PRKG1: variants seen among roughly 807,000 people sequenced by gnomAD.
PRKG1 encodes the protein protein kinase cGMP-dependent 1.
In PRKG1, 35 loss-of-function variants were observed where a neutral mutation model predicts 88.1. The observed-to-expected ratio is 0.40, with a 90% CI of 0.30 to 0.53. The LOEUF (loss-of-function observed/expected upper bound fraction) is 0.53, where lower values mean the gene tolerates loss of function less well. Among genes scored for constraint, PRKG1 ranks in the 20% least tolerant of loss-of-function variants. The pLI is 0.59. For missense variants in PRKG1, 540 were observed against 839.8 expected (o/e 0.64, Z 4.41); for synonymous variants, 303 against 292.5 (o/e 1.04, Z -0.37).
At chr10:51,859,834 T>C (rs1840824108) in intron 4 of PRKG1, among the ~76,000 whole-genome samples, 1 of 152,212 alleles carries the variant, frequency 6.6e-6, no homozygotes, top group Admixed American at 6.5e-5. Flanking sequence ...TCCAATACTT[T>C]TCATTGTGAG....
At chr10:51,554,467 T>C (rs1378535355) in intron 3 of PRKG1, among the ~76,000 whole-genome samples, 2 of 149,746 alleles carry the variant, frequency 1.3e-5, no homozygotes, top group African/African-American at 2.4e-5. Flanking sequence ...TAAGAGGTGT[T>C]GTTTTAGTTT....
At chr10:51,499,648 C>T (rs139730798) in intron 3 of PRKG1, among the ~76,000 whole-genome samples, 7 of 152,246 alleles carry the variant, frequency 4.6e-5, no homozygotes, top group African/African-American at 1.7e-4. Flanking sequence ...TGGTAGTACA[C>T]ATCACTGTGA....
chr10:51,944,446 C>G (rs1168472127), intron 5 of PRKG1, among the ~76,000 whole-genome samples: 1 of 151,954 alleles, frequency 6.6e-6, no homozygotes, highest in African/African-American at 2.4e-5. Flanking sequence ...TTTTGTATCT[C>G]TATTTCCTTC....
chr10:51,265,807 G>C (rs1839822696), intron 2 of PRKG1, among the ~76,000 whole-genome samples: 2 of 152,176 alleles, frequency 1.3e-5, no homozygotes, highest in Admixed American at 1.3e-4. Flanking sequence ...AGCCCGAAAG[G>C]ATTAACAGGT....
chr10:51,947,018 A>G lies in PRKG1; in HGVS notation c.762+39448A>G, dbSNP rs561085785. On this transcript the variant is annotated intron_variant, in intron 5 of 17. Coordinates refer to ENST00000373980, the MANE Select transcript of PRKG1 (RefSeq NM_006258.4). ...CTGTCAGACAGGGACATTTAAGTCT[A>G]CAGAGGTTACTGCTGTCTTTTTGTT... Among the ~76,000 whole-genome samples, 79 of 152,150 alleles carry G rather than the reference A, an allele frequency of 5.2e-4. 1 individual carries two copies. The highest frequency in any genetic ancestry group is 2.1e-3 in the East Asian group (11 of 5,162).
intron 1 of PRKG1, among the ~76,000 whole-genome samples, chr10:51,002,833 G>C (rs1842902896): frequency 1.3e-5 from 2 of 152,146 alleles, no homozygotes; most frequent in South Asian, 4.1e-4. Flanking sequence ...GTCAGTTTTG[G>C]ATTAATGCTA....
In PRKG1 at chr10:51,699,314, C is replaced by G. The variant is rs758926910; in HGVS notation, c.593-105271C>G. On this transcript the variant is annotated intron_variant, in intron 3 of 17. Coordinates refer to ENST00000373980, the MANE Select transcript of PRKG1 (RefSeq NM_006258.4). ...AAGCGCTCTCCCACTGAACTCCCGCCCATTGAGGTTCCGCATGGCACTAAG... is the reference window on the plus strand; with the variant it reads ...AAGCGCTCTCCCACTGAACTCCCGCGCATTGAGGTTCCGCATGGCACTAAG... 10 of 1,614,036 alleles carry G rather than the reference C, an allele frequency of 6.2e-6. No individual in the cohort carries two copies. Among genetic ancestry groups the G allele is most frequent in the Middle Eastern group, 1.6e-4 (1 of 6,084 alleles).
At chr10:52,017,824 C>G (rs73341229) in intron 5 of PRKG1, among the ~76,000 whole-genome samples, 5,192 of 152,086 alleles carry the variant, frequency 0.034, 280 homozygotes, top group African/African-American at 0.11. Flanking sequence ...TTTACAAGAC[C>G]CCTGTTGTAA....
chr10:51,908,673 G>A (rs954832014), intron 5 of PRKG1: 2 of 144,534 alleles, frequency 1.4e-5, no homozygotes, highest in African/African-American at 5.1e-5. Context: ...GAAGGAGATT[G>A]AAAAATCATC....
At chr10:52,134,790 C>T (rs995340707) in intron 8 of PRKG1, among the ~76,000 whole-genome samples, 24 of 152,030 alleles carry the variant, frequency 1.6e-4, no homozygotes, top group African/African-American at 5.3e-4. Flanking sequence ...CAGAGGACTC[C>T]GGATGGAGAG....
At chr10:51,359,237 C>T (rs992964205) in intron 2 of PRKG1, among the ~76,000 whole-genome samples, 3 of 151,846 alleles carry the variant, frequency 2.0e-5, no homozygotes, top group Non-Finnish European at 2.9e-5. Context: ...GAAGACAATA[C>T]ATATTATAAT....
chr10:52,260,729 A>AACTTG (rs1017473447), intron 10 of PRKG1, among the ~76,000 whole-genome samples: 6 of 151,628 alleles, frequency 4.0e-5, no homozygotes, highest in African/African-American at 1.5e-4. Flanking sequence ...TGAAAAAAAT[A>AACTTG]AAGTGTATTA....
At chr10:52,044,811 A>G (rs1048366107) in intron 5 of PRKG1, among the ~76,000 whole-genome samples, 2 of 152,136 alleles carry the variant, frequency 1.3e-5, no homozygotes, top group Non-Finnish European at 2.9e-5. Context: ...ATACTCCCAG[A>G]TGGGGTTACA....
chr10:51,696,228 TAAG>T (rs1841288496), intron 3 of PRKG1: 1 of 150,910 alleles, frequency 6.6e-6, no homozygotes, highest in Admixed American at 6.6e-5. Flanking sequence ...GATTATGAAA[TAAG>T]AAAACTAAAA....
chr10:51,886,328 G>T (rs1350206362), intron 4 of PRKG1, among the ~76,000 whole-genome samples: 1 of 151,290 alleles, frequency 6.6e-6, no homozygotes, highest in African/African-American at 2.4e-5. Flanking sequence ...GTAGTTTTGG[G>T]TTTTTTTTTA....
rs1308922505 is a variant in PRKG1, at chr10:51,392,767, AC to A, written c.479-74951del. ...CGGCTGGCCGGGCGGGGGGCTGACC[AC>A]CCCCACCTCCCTCCCGGACGGGGCG... On this transcript the variant is annotated intron_variant, in intron 2 of 17. Transcript: ENST00000373980. Among the ~76,000 whole-genome samples, 4 of 112,340 alleles carry A rather than the reference AC, an allele frequency of 3.6e-5. No individual in the cohort carries two copies. The East Asian group carries it at 7.6e-4, about 21-fold the overall frequency. 73.7% of individuals were successfully genotyped at this position (112,340 alleles called of 152,430 possible).
chr10:51,541,947 T>C (rs1480592782), intron 3 of PRKG1, among the ~76,000 whole-genome samples: 2 of 152,130 alleles, frequency 1.3e-5, no homozygotes, highest in African/African-American at 4.8e-5. Flanking sequence ...CTTTTCATGG[T>C]AAAGATATCT....
At chr10:51,822,863 G>A (rs564707053) in intron 4 of PRKG1, among the ~76,000 whole-genome samples, 1 of 151,988 alleles carries the variant, frequency 6.6e-6, no homozygotes, top group East Asian at 1.9e-4. Context: ...TGTTTGTTTT[G>A]CATACAGCTG....
At chr10:51,704,364 A>G (rs1463514574) in intron 3 of PRKG1, among the ~76,000 whole-genome samples, 1 of 152,116 alleles carries the variant, frequency 6.6e-6, no homozygotes, top group Non-Finnish European at 1.5e-5. Flanking sequence ...GAATGACAGG[A>G]AATGACTTTA....
Sources: allele counts gnomAD v4.1 joint callset (sites outside exome capture counted in the v4.1 genomes callset), GRCh38; gene constraint gnomAD v4.1.1; transcripts MANE v1.5; gene names NCBI Gene and HGNC (gene_info 2026-07-23, HGNC 2026-07-21).